Variants in YEATS4 observed in about 807,000 individuals in gnomAD.
The protein encoded by YEATS4 is YEATS domain containing 4.
In YEATS4, 17 loss-of-function variants were observed where a neutral mutation model predicts 30.1. That is an observed-to-expected ratio of 0.56 (90% CI 0.39 to 0.85). The LOEUF is 0.85. Among genes scored for constraint, YEATS4 ranks in the 40% least tolerant of loss-of-function variants. The pLI, the probability that YEATS4 is intolerant of heterozygous loss-of-function variation, is 0.00. For missense variants in YEATS4, 142 were observed against 268.3 expected (o/e 0.53, Z 3.29); for synonymous variants, 85 against 87.5 (o/e 0.97, Z 0.16).
At chr12:69,382,995 C>T (rs1488132577) in intron 6 of YEATS4, among the ~76,000 whole-genome samples, 1 of 152,100 alleles carries the variant, frequency 6.6e-6, no homozygotes. Flanking sequence ...TGTGATGGCT[C>T]ATGCCTATAA....
chr12:69,389,141 T>C (rs887338473), intron 6 of YEATS4, among the ~76,000 whole-genome samples: 3 of 152,124 alleles, frequency 2.0e-5, no homozygotes, highest in Non-Finnish European at 4.4e-5. Flanking sequence ...GTATTGATAG[T>C]GTGATTTTGT....
At chr12:69,362,691 A>G in intron 1 of YEATS4, 97 bp from the exon 2 acceptor site, 1 of 887,482 alleles carries the variant, frequency 1.1e-6, no homozygotes, top group Non-Finnish European at 1.6e-6. Flanking sequence ...ATAGATTGTT[A>G]GCCTGCCATT....
chr12:69,420,777 G>A, the YEATS4 span, among the ~76,000 whole-genome samples: 1 of 152,068 alleles, frequency 6.6e-6, no homozygotes, highest in African/African-American at 2.4e-5. Flanking sequence ...GAGAAAAAGA[G>A]GCCCATTAGC....
At chr12:69,379,632 G>A (rs186235963) in intron 6 of YEATS4, among the ~76,000 whole-genome samples, 3,567 of 111,060 alleles carry the variant, frequency 0.032, 80 homozygotes, top group Middle Eastern at 0.062. Context: ...GTGGAGATGG[G>A]GTTTTGCCAT....
chr12:69,382,431 T>TC (rs765782789), intron 6 of YEATS4, among the ~76,000 whole-genome samples: 2 of 150,312 alleles, frequency 1.3e-5, no homozygotes, highest in South Asian at 2.1e-4. Context: ...TTCCCATTCT[T>TC]CCCTCCCCTT....
In YEATS4 at chr12:69,362,309, C is replaced by T. The variant is rs551249306; in HGVS notation, c.52-479C>T. Among the ~76,000 whole-genome samples the T allele has an allele frequency of 4.1e-4, 63 of 151,870 alleles. 1 individual carries two copies. The Middle Eastern group carries it at 0.01, about 25-fold the overall frequency. ...TTTTAATTTCTAGTTACAGTTATTA[C>T]TATTTTTTAATACTGATTAAACACG... is the stretch of plus-strand genomic sequence containing the variant. On this transcript the variant is annotated intron_variant, in intron 1 of 6. Transcript: ENST00000247843.
At position 69,387,461 on chromosome 12, in the gene YEATS4, T is replaced by C. The variant is rs546006202; in HGVS notation, c.515-2686T>C. On this transcript the variant is annotated intron_variant, in intron 6 of 6. Coordinates refer to ENST00000247843, the MANE Select transcript of YEATS4 (RefSeq NM_006530.4). The stretch of plus-strand genomic sequence containing the variant: ...TTTCCAGGAATTTATCCTACAAATA[T>C]ACTAAAATGATTATTTACAGCATAC... Among the ~76,000 whole-genome samples the C allele has an allele frequency of 3.9e-5, 6 of 152,324 alleles. No individual in the cohort carries two copies. The South Asian group carries it at 1.2e-3, about 32-fold the overall frequency.
the YEATS4 span, among the ~76,000 whole-genome samples, chr12:69,421,803 A>G: frequency 2.0e-5 from 3 of 152,210 alleles, no homozygotes; most frequent in Non-Finnish European, 4.4e-5. Context: ...CATGTAGAAA[A>G]GGTGGCTCAG....
chr12:69,410,441 G>A, the YEATS4 span, among the ~76,000 whole-genome samples: 1 of 152,090 alleles, frequency 6.6e-6, no homozygotes, highest in African/African-American at 2.4e-5. Context: ...CTACTGCCTT[G>A]TAACTTATTC....
intron 1 of YEATS4, among the ~76,000 whole-genome samples, chr12:69,360,464 C>A (rs544076477): frequency 2.6e-5 from 4 of 152,272 alleles, no homozygotes; most frequent in African/African-American, 9.6e-5. Context: ...AACTGAGACA[C>A]CGAGGCATAC....
At chr12:69,378,588 C>T (rs938855979) in intron 6 of YEATS4, among the ~76,000 whole-genome samples, 1 of 152,042 alleles carries the variant, frequency 6.6e-6, no homozygotes, top group African/African-American at 2.4e-5. Flanking sequence ...TATCCTATAA[C>T]CCGTTGTTTT....
At chr12:69,406,502 A>AT in the YEATS4 span, among the ~76,000 whole-genome samples, 117 of 152,074 alleles carry the variant, frequency 7.7e-4, no homozygotes, top group Middle Eastern at 0.014. Context: ...TAATTTTTAA[A>AT]TTTTTTTATA....
intron 6 of YEATS4, among the ~76,000 whole-genome samples, chr12:69,380,488 C>A (rs560056314): frequency 2.6e-5 from 4 of 152,328 alleles, no homozygotes; most frequent in Admixed American, 2.0e-4. Flanking sequence ...ACTGCCTAGA[C>A]CTGAGGAGGG....
At chr12:69,413,668 A>G in the YEATS4 span, among the ~76,000 whole-genome samples, 2 of 152,048 alleles carry the variant, frequency 1.3e-5, no homozygotes, top group Non-Finnish European at 2.9e-5. Context: ...CCTGGCCAAC[A>G]TGGCGAAACC....
At chr12:69,393,897 A>C (rs1201649996), downstream of YEATS4, among the ~76,000 whole-genome samples, 1 of 152,258 alleles carries the variant, frequency 6.6e-6, no homozygotes, top group Admixed American at 6.5e-5. Flanking sequence ...GATGAAGAAT[A>C]AGTCAATCTT....
chr12:69,397,288 T>C, the YEATS4 span, among the ~76,000 whole-genome samples: 1 of 152,326 alleles, frequency 6.6e-6, no homozygotes, highest in East Asian at 1.9e-4. Context: ...GTGACTGTTT[T>C]TGAAGATAGT....
the YEATS4 span, among the ~76,000 whole-genome samples, chr12:69,421,537 G>T: frequency 1.3e-5 from 2 of 152,182 alleles, no homozygotes; most frequent in African/African-American, 4.8e-5. Flanking sequence ...GCCAAGCGGG[G>T]TGTAGTTTCT....
intron 6 of YEATS4, among the ~76,000 whole-genome samples, chr12:69,374,397 T>C (rs1875761072): frequency 6.6e-6 from 1 of 152,200 alleles, no homozygotes; most frequent in Non-Finnish European, 1.5e-5. Flanking sequence ...ATGAGATTAC[T>C]TTCTTTTTTT....
At chr12:69,368,336 T>C (rs1366188667) in intron 4 of YEATS4, among the ~76,000 whole-genome samples, 1 of 152,212 alleles carries the variant, frequency 6.6e-6, no homozygotes, top group Admixed American at 6.5e-5. Context: ...TTTTCATTCC[T>C]AGAAATAGGG....
Sources: allele counts gnomAD v4.1 joint callset (sites outside exome capture counted in the v4.1 genomes callset), GRCh38; gene constraint gnomAD v4.1.1; transcripts MANE v1.5; gene names NCBI Gene and HGNC (gene_info 2026-07-23, HGNC 2026-07-21).